The following SHTN1 variants were observed in gnomAD, a reference collection of about 807,000 sequenced individuals.
SHTN1 encodes shootin 1.
A neutral mutation model predicts 83.1 loss-of-function variants in SHTN1; 42 were observed. The observed-to-expected ratio is 0.51, with a 90% CI of 0.39 to 0.65. The LOEUF is 0.65. Among genes scored for constraint, SHTN1 ranks in the 30% least tolerant of loss-of-function variants. The pLI is 0.00. For missense variants in SHTN1, 622 were observed against 737.8 expected (o/e 0.84, Z 1.82); for synonymous variants, 224 against 247.7 (o/e 0.90, Z 0.90).
At chr10:117,043,258 C>T (rs1375304420) in intron 2 of SHTN1, among the ~76,000 whole-genome samples, 3 of 151,844 alleles carry the variant, frequency 2.0e-5, no homozygotes, top group African/African-American at 7.3e-5. Flanking sequence ...CTCAGCCTCC[C>T]GAGTAGCTGG....
intron 2 of SHTN1, among the ~76,000 whole-genome samples, chr10:117,036,064 G>A (rs763920869): frequency 1.3e-5 from 2 of 151,658 alleles, no homozygotes; most frequent in Admixed American, 6.6e-5. Flanking sequence ...TCAGAGACAT[G>A]CAAATCAAAA....
chr10:116,965,992 G>C (rs1850377502), intron 3 of SHTN1, among the ~76,000 whole-genome samples: 1 of 151,964 alleles, frequency 6.6e-6, no homozygotes, highest in African/African-American at 2.4e-5. Context: ...AGTTTTCTTA[G>C]TCCTTATTTT....
chr10:116,914,944 T>C (rs191372273), intron 13 of SHTN1, among the ~76,000 whole-genome samples: 120 of 152,336 alleles, frequency 7.9e-4, no homozygotes, highest in African/African-American at 2.8e-3. Flanking sequence ...TATTATGTGA[T>C]TCCGTCCACT....
chr10:117,012,297 CTA>C (rs1852118871), intron 2 of SHTN1, among the ~76,000 whole-genome samples: 1 of 151,936 alleles, frequency 6.6e-6, no homozygotes, highest in Admixed American at 6.6e-5. Context: ...AAAACAAAAA[CTA>C]GAATAGCCAA....
Position 116,903,313 on chromosome 10 carries a change from G to A in SHTN1, c.1481-1356C>T, listed in dbSNP as rs569858719. Among the ~76,000 whole-genome samples, 621 of 152,184 alleles carry A rather than the reference G, an allele frequency of 4.1e-3. 5 individuals are homozygous for A. Among genetic ancestry groups the A allele is most frequent in the South Asian group, 0.014 (66 of 4,822 alleles). On this transcript the variant is annotated intron_variant, in intron 15 of 16. Transcript: ENST00000355371. ...TTTGAGAGGCCGAGGCAGGCGGATC[G>A]CCTGAGGTCAGGAGTTAGAGACCAA...
At chr10:116,927,325 G>T (rs1164285978) in intron 11 of SHTN1, among the ~76,000 whole-genome samples, 1 of 152,170 alleles carries the variant, frequency 6.6e-6, no homozygotes. Flanking sequence ...TGGCTTGTTA[G>T]GCCATTCTCA....
At chr10:117,121,028 T>C (rs1853917192) in intron 1 of SHTN1, among the ~76,000 whole-genome samples, 1 of 152,160 alleles carries the variant, frequency 6.6e-6, no homozygotes, top group African/African-American at 2.4e-5. Flanking sequence ...TAAGCTGGTC[T>C]CAACTTCCTG....
rs7909523 is a variant in SHTN1 at position 116,999,806 on chromosome 10, G to A, written c.58+5216C>T. Among the ~76,000 whole-genome samples the A allele has an allele frequency of 6.8e-3, 1,036 of 152,186 alleles. 16 individuals are homozygous for A. The highest frequency in any genetic ancestry group is 0.024 in the African/African-American group (998 of 41,520). On this transcript the variant is annotated intron_variant, in intron 1 of 16. Coordinates refer to ENST00000355371, the MANE Select transcript of SHTN1 (RefSeq NM_001127211.3). ...CACATGCCTGTAGTCCCAGCTACTTGGGAGGCTGAGGCGGAAGAATTGCTT... is the reference window on the plus strand; with the variant it reads ...CACATGCCTGTAGTCCCAGCTACTTAGGAGGCTGAGGCGGAAGAATTGCTT...
intron 2 of SHTN1, among the ~76,000 whole-genome samples, chr10:117,041,411 A>G (rs1241477642): frequency 6.6e-6 from 1 of 152,216 alleles, no homozygotes; most frequent in Non-Finnish European, 1.5e-5. Context: ...TGAGTAAATA[A>G]GTGATACTAT....
intron 1 of SHTN1, among the ~76,000 whole-genome samples, chr10:117,086,232 C>T (rs577528172): frequency 8.3e-4 from 127 of 152,284 alleles, no homozygotes; most frequent in African/African-American, 2.7e-3. Flanking sequence ...CCACCGCGCC[C>T]GGCCGTCTGA....
At chr10:116,982,165 A>G (rs1202816934) in intron 1 of SHTN1, among the ~76,000 whole-genome samples, 1 of 152,246 alleles carries the variant, frequency 6.6e-6, no homozygotes, top group Non-Finnish European at 1.5e-5. Flanking sequence ...TTAAAATACC[A>G]GTACTATTCT....
chr10:117,019,478 C>G (rs1852229748), intron 2 of SHTN1, among the ~76,000 whole-genome samples: 1 of 152,024 alleles, frequency 6.6e-6, no homozygotes, highest in Non-Finnish European at 1.5e-5. Context: ...GCCACCACAC[C>G]TATCCTTAAA....
upstream of SHTN1, among the ~76,000 whole-genome samples, chr10:117,006,293 A>G (rs908814785): frequency 2.3e-4 from 34 of 150,098 alleles, no homozygotes; most frequent in African/African-American, 7.1e-4. Flanking sequence ...GTGGCCGGGC[A>G]CAGTGGCTCA....
At position 116,900,581 on chromosome 10, in the gene SHTN1, C is replaced by G. The variant is rs1319801870; in HGVS notation, c.1673+1184G>C. The G allele has an allele frequency of 8.5e-6, 13 of 1,532,212 alleles. No individual in the cohort carries two copies. In the East Asian group the frequency reaches 1.5e-4, roughly 17 times the overall value. 94.9% of individuals were successfully genotyped at this position (1,532,212 alleles called of 1,614,324 possible). A position where few individuals can be genotyped will look rare whatever the true frequency, so the allele number is the denominator to read the frequency against. ...AAGGAGAAAAATCTATACACACACACTGAAGCATTTATCAGAAACTAACTT... is the reference window on the plus strand; with the variant it reads ...AAGGAGAAAAATCTATACACACACAGTGAAGCATTTATCAGAAACTAACTT... On this transcript the variant is annotated intron_variant, in intron 16 of 16. Coordinates refer to ENST00000355371, the MANE Select transcript of SHTN1 (RefSeq NM_001127211.3).
At chr10:117,097,622 G>T (rs1309210313) in intron 1 of SHTN1, among the ~76,000 whole-genome samples, 1 of 152,152 alleles carries the variant, frequency 6.6e-6, no homozygotes, top group African/African-American at 2.4e-5. Context: ...GATAAAAGCA[G>T]AAAGATATGA....
At chr10:116,895,477 C>CT (rs1269860405) in intron 16 of SHTN1, among the ~76,000 whole-genome samples, 2 of 152,128 alleles carry the variant, frequency 1.3e-5, no homozygotes, top group African/African-American at 4.8e-5. Flanking sequence ...TTTCAGAACT[C>CT]TGTTTTACTG....
chr10:116,968,856 A>G, intron 2 of SHTN1, 144 bp from the exon 3 acceptor site: 1 of 651,892 alleles, frequency 1.5e-6, no homozygotes, highest in South Asian at 1.9e-5. Context: ...CAATGGTCAT[A>G]TATGAACTTG....
intron 2 of SHTN1, among the ~76,000 whole-genome samples, chr10:117,018,779 G>A (rs996043229): frequency 4.6e-5 from 7 of 152,062 alleles, no homozygotes; most frequent in South Asian, 4.2e-4. Context: ...CACCATGTTG[G>A]CCAGGCTGGT....
At chr10:117,103,019 G>C (rs1366294341) in intron 1 of SHTN1, among the ~76,000 whole-genome samples, 1 of 152,174 alleles carries the variant, frequency 6.6e-6, no homozygotes, top group African/African-American at 2.4e-5. Flanking sequence ...TTGGCAGAAT[G>C]ATTATAAAAA....
Sources: allele counts gnomAD v4.1 joint callset (sites outside exome capture counted in the v4.1 genomes callset), GRCh38; gene constraint gnomAD v4.1.1; transcripts MANE v1.5; gene names NCBI Gene and HGNC (gene_info 2026-07-23, HGNC 2026-07-21).